The following NCAPG2 variants were observed in gnomAD, a reference collection of about 807,000 sequenced individuals.
NCAPG2 encodes condensin-2 complex subunit G2.
Under a neutral mutation model 141.1 loss-of-function variants are expected in NCAPG2, and 53 were observed. The observed-to-expected ratio is 0.38, with a 90% CI of 0.30 to 0.47. The LOEUF is 0.47. NCAPG2 is among the 20% of genes least tolerant of loss of function. The probability of loss-of-function intolerance (pLI) is 0.99; values close to 1 mark genes in which losing one functional copy is unlikely to be tolerated. For missense variants in NCAPG2, 1,087 were observed against 1,389.0 expected (o/e 0.78, Z 3.46); for synonymous variants, 499 against 490.7 (o/e 1.02, Z -0.22).
intron 8 of NCAPG2, among the ~76,000 whole-genome samples, chr7:158,685,123 T>A (rs941284176): frequency 2.0e-5 from 3 of 152,148 alleles, no homozygotes; most frequent in Non-Finnish European, 4.4e-5. Flanking sequence ...GAACCTGGTA[T>A]AAGAAAAATA....
chr7:158,664,570 A>G lies in NCAPG2; in HGVS notation c.1660T>C (p.Phe554Leu), dbSNP rs1563532175. ...VQMNHAAARRFYQYAHEHTAC... is the reference protein window; with the variant it reads ...VQMNHAAARRLYQYAHEHTAC... ...GTGTGTTCGTGGGCGTACTGATAGA[A>G]CCTCCTGGCAGCGGCGTGGTTCATC... The change falls in exon 14 of 28, where the codon TTC (phenylalanine) becomes CTC (leucine). Residue 554 changes from phenylalanine to leucine, a missense_variant. Physicochemically the swap from Phe to Leu is conservative, Grantham distance 22 (BLOSUM62 0). Coordinates refer to ENST00000356309, the MANE Select transcript of NCAPG2 (RefSeq NM_017760.7). 5.6e-6 allele frequency: 9 copies of G among 1,613,920 alleles called. No individual in the cohort carries two copies. The highest frequency in any genetic ancestry group is 7.6e-6 in the Non-Finnish European group (9 of 1,179,988).
intron 4 of NCAPG2, among the ~76,000 whole-genome samples, chr7:158,691,104 A>G (rs1221603910): frequency 3.3e-5 from 5 of 152,186 alleles, no homozygotes; most frequent in Admixed American, 3.3e-4. Context: ...CCAATCAATA[A>G]TCCACTACTA....
intron 16 of NCAPG2, among the ~76,000 whole-genome samples, chr7:158,660,431 A>ATTT (rs1832405457): frequency 4.6e-5 from 3 of 65,886 alleles, no homozygotes; most frequent in African/African-American, 1.8e-4. Flanking sequence ...TTTTTTTTTA[A>ATTT]AAGAGGCAGG....
chr7:158,703,335 A>G (rs1345713608), intron 1 of NCAPG2, among the ~76,000 whole-genome samples: 1 of 152,162 alleles, frequency 6.6e-6, no homozygotes, highest in Non-Finnish European at 1.5e-5. Flanking sequence ...ACATGGAATC[A>G]TACATCTTCG....
At position 158,679,941 on chromosome 7, in the gene NCAPG2, G is replaced by T; in HGVS notation, c.1146+19C>A. 1 of 1,612,120 alleles carries T rather than the reference G, an allele frequency of 6.2e-7. No homozygotes were observed. Among genetic ancestry groups the T allele is most frequent in the South Asian group, 1.1e-5 (1 of 90,532 alleles). ...CAAAGCTGATATCTGTAAGAAGCTT[G>T]ACCACCTGAAGTACGTACATAGAGC... On this transcript the variant is annotated intron_variant, in intron 11 of 27. Coordinates refer to ENST00000356309, the MANE Select transcript of NCAPG2 (RefSeq NM_017760.7).
At position 158,651,520 on chromosome 7, in the gene NCAPG2, C is replaced by T. The variant is rs547737252; in HGVS notation, c.2935-548G>A. 6.6e-5 allele frequency among the ~76,000 whole-genome samples: 10 copies of T among 152,278 alleles called. No individual in the cohort carries two copies. The South Asian group carries it at 2.1e-3, about 32-fold the overall frequency. On this transcript the variant is annotated intron_variant, in intron 23 of 27. Transcript: ENST00000356309. ...GAGTCTTCAATATTTCATAAATAGC[C>T]TCCCATTTAAGCATTTTTTAAAGTC... is the stretch of plus-strand genomic sequence containing the variant.
chr7:158,685,534 ATATAACC>A (rs1403748177), intron 8 of NCAPG2, among the ~76,000 whole-genome samples: 1 of 152,248 alleles, frequency 6.6e-6, no homozygotes, highest in Non-Finnish European at 1.5e-5. Context: ...TAGTATCTGC[ATATAACC>A]TATGCACTCC....
intron 27 of NCAPG2, among the ~76,000 whole-genome samples, chr7:158,634,541 G>A (rs1222310049): frequency 3.3e-5 from 5 of 152,078 alleles, no homozygotes; most frequent in African/African-American, 9.7e-5. Flanking sequence ...CCATGGATAC[G>A]GAGGGCCAAG....
chr7:158,664,053 C>T (rs1832729257), intron 15 of NCAPG2, 131 bp downstream of exon 15: 1 of 728,700 alleles, frequency 1.4e-6, no homozygotes, highest in Non-Finnish European at 2.3e-6. Context: ...TATTTATGAC[C>T]TTCCAAAATA....
At chr7:158,660,086 C>T (rs914255413) in intron 16 of NCAPG2, among the ~76,000 whole-genome samples, 1 of 146,140 alleles carries the variant, frequency 6.8e-6, no homozygotes, top group Admixed American at 7.0e-5. Flanking sequence ...CCAGCCTGGG[C>T]GACAGAGCGA....
Position 158,693,499 on chromosome 7 carries a change from T to C in NCAPG2, c.79-2A>G, listed in dbSNP as rs1835256512. On this transcript the variant is annotated splice_acceptor_variant, in intron 2 of 27. Coordinates refer to ENST00000356309, the MANE Select transcript of NCAPG2 (RefSeq NM_017760.7). LOFTEE classifies it high-confidence loss of function. Reference sequence around the variant, plus strand: ...GCTGAAAGGATCAGAGGCCTCTTTCTGTAACATAAATAGCAAGTGTCACAT... The same window carrying C: ...GCTGAAAGGATCAGAGGCCTCTTTCCGTAACATAAATAGCAAGTGTCACAT... 1 of 1,603,994 alleles carries C rather than the reference T, an allele frequency of 6.2e-7. No individual in the cohort carries two copies. The highest frequency in any genetic ancestry group is 8.5e-7 in the Non-Finnish European group (1 of 1,174,686).
intron 24 of NCAPG2, 114 bp from the exon 25 acceptor site, chr7:158,646,677 G>T (rs748316776): frequency 1.8e-5 from 12 of 652,624 alleles, no homozygotes; most frequent in Admixed American, 3.5e-5. Context: ...AAATTCAAAA[G>T]AATTATTTTT....
intron 24 of NCAPG2, among the ~76,000 whole-genome samples, chr7:158,648,852 T>C (rs2129458148): frequency 6.6e-6 from 1 of 152,016 alleles, no homozygotes; most frequent in African/African-American, 2.4e-5. Flanking sequence ...CCACGGCAAA[T>C]GGACTACAAC....
chr7:158,697,496 G>T (rs796704656), intron 2 of NCAPG2, among the ~76,000 whole-genome samples: 1 of 152,026 alleles, frequency 6.6e-6, no homozygotes, highest in South Asian at 2.1e-4. Context: ...AACTATTCAG[G>T]AGGCTGAGGC....
At position 158,690,657 on chromosome 7, in the gene NCAPG2, T is replaced by C. The variant is rs769141247; in HGVS notation, c.448A>G (p.Thr150Ala). Reference sequence around the variant, plus strand: ...GCAGGCAGGCCTTTCTCCCACCAGGTAACACACAAATCCTGAATAGAACTC... The same window carrying C: ...GCAGGCAGGCCTTTCTCCCACCAGGCAACACACAAATCCTGAATAGAACTC... Reference protein sequence around the residue: ...LQSSIQDLCVTWWEKGLPAKE... With the variant: ...LQSSIQDLCVAWWEKGLPAKE... Residue 150 changes from threonine (T) to alanine (A), a missense_variant, in exon 5 of 28, where the codon ACC (threonine) becomes GCC (alanine). Coordinates refer to ENST00000356309, the MANE Select transcript of NCAPG2 (RefSeq NM_017760.7). The C allele has an allele frequency of 3.9e-5, 63 of 1,613,986 alleles. No individual in the cohort carries two copies. The South Asian group carries it at 4.4e-4, about 11-fold the overall frequency.
At chr7:158,653,140 G>A (rs1326107925) in intron 22 of NCAPG2, among the ~76,000 whole-genome samples, 1 of 152,024 alleles carries the variant, frequency 6.6e-6, no homozygotes, top group Non-Finnish European at 1.5e-5. Context: ...AGGCCAAGGT[G>A]GGTGGATCAC....
In NCAPG2 at chr7:158,655,360, C is replaced by G; in HGVS notation, c.2484G>C (p.Leu828=). The change falls in exon 20 of 28, where the codon CTG becomes CTC. Residue 828 remains leucine (L), a synonymous_variant. Transcript: ENST00000356309. The part of the protein sequence containing the change: ...APRAFGLHCR[L]SIHLQHKFCS... ...ACACCTTGTGCTGAAGATGGATGCT[C>G]AGGCGACAGTGGAGACCAAAGGCTC... 1 of 1,614,182 alleles carries G rather than the reference C, an allele frequency of 6.2e-7. No individual in the cohort carries two copies. Among genetic ancestry groups the G allele is most frequent in the South Asian group, 1.1e-5 (1 of 91,088 alleles).
chr7:158,657,539 G>A (rs1203131351), intron 17 of NCAPG2, among the ~76,000 whole-genome samples: 2 of 152,190 alleles, frequency 1.3e-5, no homozygotes, highest in Non-Finnish European at 2.9e-5. Context: ...GGGGGGGTCA[G>A]CCCCCCACCC....
chr7:158,692,776 C>T, intron 4 of NCAPG2, 66 bp downstream of exon 4: 1 of 997,648 alleles, frequency 1.0e-6, no homozygotes, highest in Non-Finnish European at 1.5e-6. Flanking sequence ...TAAATAAAAA[C>T]AGAAACAAAA....
Sources: gnomAD v4.1 joint callset for allele counts (sites outside exome capture counted in the v4.1 genomes callset) on GRCh38, gnomAD v4.1.1 for gene constraint, MANE v1.5 for transcripts, NCBI Gene and HGNC (gene_info 2026-07-23, HGNC 2026-07-21) for gene names.